LRRC3C: variants seen among roughly 807,000 people sequenced by gnomAD.
LRRC3C encodes leucine-rich repeat-containing protein 3C.
Under a neutral mutation model 14.8 loss-of-function variants are expected in LRRC3C, and 11 were observed. The observed-to-expected ratio is 0.74, with a 90% CI of 0.47 to 1.23. LRRC3C has a LOEUF of 1.23. Ranked by LOEUF, LRRC3C falls within the 50% of genes most tolerant of loss-of-function variation. LRRC3C has a pLI of 0.00. For synonymous variants in LRRC3C, 149 were observed against 161.5 expected (o/e 0.92, Z 0.59); for missense variants, 354 against 361.8 (o/e 0.98, Z 0.18).
chr17:39,933,593 C>T (rs1426700696), intron 1 of LRRC3C, among the ~76,000 whole-genome samples: 22 of 152,120 alleles, frequency 1.4e-4, no homozygotes, highest in East Asian at 5.8e-4. Flanking sequence ...ATTAGCCGGG[C>T]GTGGTGGCGG....
At chr17:39,934,432 G>A (rs572123831) in intron 1 of LRRC3C, among the ~76,000 whole-genome samples, 75 of 152,092 alleles carry the variant, frequency 4.9e-4, no homozygotes, top group Non-Finnish European at 8.5e-4. Context: ...GGTGGCCACC[G>A]TTCCCAGATC....
intron 2 of LRRC3C, among the ~76,000 whole-genome samples, 187 bp from the exon 3 acceptor site, chr17:39,941,256 C>T (rs1978930222): frequency 6.7e-6 from 1 of 149,584 alleles, no homozygotes; most frequent in Non-Finnish European, 1.5e-5. Flanking sequence ...GAGACTAAGG[C>T]AGGAGAGTCG....
rs1227778035 is a variant in LRRC3C, at chr17:39,944,803, C to T, written c.*69C>T. ...TATGCCCTCTCCTTTGCTCTGACCC[C>T]CTCTGCCTCCTGTGCAGCTTCACCC... On this transcript the variant is annotated 3_prime_UTR_variant, in exon 4 of 4. Transcript: ENST00000377924. 6.4e-6 allele frequency: 9 copies of T among 1,410,918 alleles called. No homozygotes were observed. The Admixed American group carries it at 1.5e-4, about 23-fold the overall frequency. The allele number at this position is 1,410,918 out of a possible 1,614,324, so 87.4% of individuals were successfully genotyped here. A position where few individuals can be genotyped will look rare whatever the true frequency, so the allele number is the denominator to read the frequency against.
chr17:39,932,088 C>T (rs189867844), intron 1 of LRRC3C, among the ~76,000 whole-genome samples: 51 of 152,344 alleles, frequency 3.3e-4, no homozygotes, highest in African/African-American at 1.1e-3. Flanking sequence ...GGGTTCAACT[C>T]GCAGCTCCTC....
intron 1 of LRRC3C, chr17:39,928,972 A>G (rs1978568425): frequency 6.6e-6 from 1 of 152,332 alleles, no homozygotes; most frequent in East Asian, 1.9e-4. Flanking sequence ...GGCTCATTCC[A>G]AGATCGAAAT....
At chr17:39,943,881 G>GC in intron 3 of LRRC3C, 52 bp from the exon 4 acceptor site, 1 of 1,512,986 alleles carries the variant, frequency 6.6e-7, no homozygotes, top group Non-Finnish European at 8.9e-7. Flanking sequence ...TGGCAGTGGG[G>GC]CATGCGATTC....
chr17:39,936,476 C>T (rs1978799086), intron 2 of LRRC3C, among the ~76,000 whole-genome samples: 1 of 152,088 alleles, frequency 6.6e-6, no homozygotes. Context: ...ACACAACCAA[C>T]AGAGTGATCC....
chr17:39,928,128 G>A (rs1978539013), intron 1 of LRRC3C, among the ~76,000 whole-genome samples: 1 of 152,242 alleles, frequency 6.6e-6, no homozygotes, highest in African/African-American at 2.4e-5. Flanking sequence ...CCGGAACGGA[G>A]CCTGCCTTCT....
Position 39,943,941 on chromosome 17 carries a change from G to A in LRRC3C, c.35G>A (p.Cys12Tyr). ...RMTSSSFVSY[C>Y]TPGLCQFMAM... Reference sequence around the variant, plus strand: ...GGCCTTTCCTTCCCCAGATCCTACTGCACTCCAGGACTATGCCAATTTATG... The same window carrying A: ...GGCCTTTCCTTCCCCAGATCCTACTACACTCCAGGACTATGCCAATTTATG... Residue 12 changes from cysteine (C) to tyrosine (Y), a missense_variant, in exon 4 of 4, where the codon TGC (cysteine) becomes TAC (tyrosine). Coordinates refer to ENST00000377924, the MANE Select transcript of LRRC3C (RefSeq NM_001195545.2). 6.5e-7 allele frequency: 1 copy of A among 1,536,020 alleles called. No individual in the cohort carries two copies. The highest frequency in any genetic ancestry group is 8.7e-7 in the Non-Finnish European group (1 of 1,146,854).
At chr17:39,935,273 C>A (rs1457315799) in intron 1 of LRRC3C, among the ~76,000 whole-genome samples, 7 of 151,942 alleles carry the variant, frequency 4.6e-5, no homozygotes, top group Non-Finnish European at 1.0e-4. Context: ...CTCCTATACA[C>A]CCCTCAAGGC....
chr17:39,935,905 C>A lies in LRRC3C; in HGVS notation c.-82+11C>A, dbSNP rs371863490. Reference sequence around the variant, plus strand: ...GACCTGATAAAGAAGGTAGCCCTTCCTTATCTATCTTCTCTATCTATCTAT... The same window carrying A: ...GACCTGATAAAGAAGGTAGCCCTTCATTATCTATCTTCTCTATCTATCTAT... On this transcript the variant is annotated intron_variant, in intron 2 of 3. Transcript: ENST00000377924. The A allele has an allele frequency of 1.6e-5, 16 of 981,144 alleles. No homozygotes were observed. In the East Asian group the frequency reaches 3.4e-4, roughly 21 times the overall value. The allele number at this position is 981,144 out of a possible 1,614,324, so 60.8% of individuals were successfully genotyped here.
At chr17:39,942,854 G>C (rs1413126824) in intron 3 of LRRC3C, among the ~76,000 whole-genome samples, 3 of 152,186 alleles carry the variant, frequency 2.0e-5, no homozygotes, top group Non-Finnish European at 4.4e-5. Context: ...TGGAGACACT[G>C]GATGTGAGAT....
At chr17:39,940,675 C>G (rs1454253940) in intron 2 of LRRC3C, among the ~76,000 whole-genome samples, 1 of 151,798 alleles carries the variant, frequency 6.6e-6, no homozygotes, top group Non-Finnish European at 1.5e-5. Context: ...GTCTCAAACT[C>G]ATGAGGCTCC....
chr17:39,941,732 A>G (rs909246900), intron 3 of LRRC3C, among the ~76,000 whole-genome samples, 183 bp downstream of exon 3: 1 of 152,192 alleles, frequency 6.6e-6, no homozygotes, highest in Non-Finnish European at 1.5e-5. Context: ...AAGAGCTGCT[A>G]GCAGGCAATG....
Position 39,927,779 on chromosome 17 carries a change from C to T in LRRC3C, c.-210C>T, listed in dbSNP as rs577625789. The T allele has an allele frequency of 1.1e-5, 11 of 985,490 alleles. No individual in the cohort carries two copies. Among genetic ancestry groups the T allele is most frequent in the South Asian group, 4.7e-5 (1 of 21,298 alleles). 61.0% of individuals were successfully genotyped at this position (985,490 alleles called of 1,614,324 possible). A position where few individuals can be genotyped will look rare whatever the true frequency, so the allele number is the denominator to read the frequency against. ...GGGGACGCACGGTTGGAAGTTGTAC[C>T]GTGACGTGATGGTCAGATCGGATGA... is the stretch of plus-strand genomic sequence containing the variant. On this transcript the variant is annotated 5_prime_UTR_variant, in exon 1 of 4. Coordinates refer to ENST00000377924, the MANE Select transcript of LRRC3C (RefSeq NM_001195545.2).
Position 39,944,825 on chromosome 17 carries a change from AC to A in LRRC3C, c.*95del. On this transcript the variant is annotated 3_prime_UTR_variant, in exon 4 of 4. Coordinates refer to ENST00000377924, the MANE Select transcript of LRRC3C (RefSeq NM_001195545.2). The stretch of plus-strand genomic sequence containing the variant: ...CCCCCTCTGCCTCCTGTGCAGCTTC[AC>A]CCCTGCCCCCAAGCCCATCCCACCC... The A allele has an allele frequency of 7.6e-6, 9 of 1,189,340 alleles. No individual in the cohort carries two copies. The South Asian group carries it at 1.3e-4, about 18-fold the overall frequency. The allele number at this position is 1,189,340 out of a possible 1,614,324, so 73.7% of individuals were successfully genotyped here. A position where few individuals can be genotyped will look rare whatever the true frequency, so the allele number is the denominator to read the frequency against.
chr17:39,941,496 A>C lies in LRRC3C; in HGVS notation c.-28A>C. The C allele has an allele frequency of 6.5e-7, 1 of 1,535,210 alleles. No homozygotes were observed. Among genetic ancestry groups the C allele is most frequent in the South Asian group, 1.2e-5 (1 of 84,036 alleles). On this transcript the variant is annotated 5_prime_UTR_variant, in exon 3 of 4. Transcript: ENST00000377924. ...ACCCATAGTCTTCCAAAATCCAGCA[A>C]GAAAAATCCTTCTCAGAAAGGTCTC...
Position 39,944,679 on chromosome 17 carries a change from C to T in LRRC3C, c.773C>T (p.Ala258Val). 1 of 1,535,978 alleles carries T rather than the reference C, an allele frequency of 6.5e-7. No individual in the cohort carries two copies. The highest frequency in any genetic ancestry group is 8.7e-7 in the Non-Finnish European group (1 of 1,146,878). Residue 258 changes from alanine to valine, a missense_variant, in exon 4 of 4, where the codon GCC becomes GTC. By Grantham distance (64) the Ala-to-Val change is moderately conservative (BLOSUM62 0). Transcript: ENST00000377924. ...GAGACCAGGCGCTCCCTCAAGCGGG[C>T]CCCAGTGCTGCCCGTGCGTTCCGAG... is the stretch of plus-strand genomic sequence containing the variant. The part of the protein sequence containing the change: ...RDETRRSLKR[A>V]PVLPVRSEDS...
intron 1 of LRRC3C, among the ~76,000 whole-genome samples, chr17:39,933,603 G>T (rs547751838): frequency 1.3e-5 from 2 of 151,962 alleles, no homozygotes; most frequent in Non-Finnish European, 2.9e-5. Context: ...CGTGGTGGCG[G>T]GCGCCTGTAA....
Sources: gnomAD v4.1 joint callset for allele counts (sites outside exome capture counted in the v4.1 genomes callset) on GRCh38, gnomAD v4.1.1 for gene constraint, MANE v1.5 for transcripts, NCBI Gene and HGNC (gene_info 2026-07-23, HGNC 2026-07-21) for gene names.